Variants in ANKRD31 observed in about 807,000 individuals in gnomAD.
The protein encoded by ANKRD31 is ankyrin repeat domain 31.
A neutral mutation model predicts 186.0 loss-of-function variants in ANKRD31; 147 were observed. The ratio of observed to expected loss-of-function variants is 0.79; its 90% CI spans 0.69 to 0.91. The LOEUF (loss-of-function observed/expected upper bound fraction) is 0.91, where lower values mean the gene tolerates loss of function less well. Ranked by LOEUF, ANKRD31 falls within the 40% of genes least tolerant of loss-of-function variation. The pLI, the probability that ANKRD31 is intolerant of heterozygous loss-of-function variation, is 0.00. For synonymous variants in ANKRD31, 673 were observed against 736.4 expected, an observed-to-expected ratio of 0.91 and a Z score of 1.39; for missense variants, 1,986 against 2,148.8, an observed-to-expected ratio of 0.92 and a Z score of 1.50.
At chr5:75,094,499 T>C (rs959476311) in intron 22 of ANKRD31, among the ~76,000 whole-genome samples, 24 of 151,996 alleles carry the variant, frequency 1.6e-4, no homozygotes, top group African/African-American at 2.4e-5. Context: ...GTATGTTGAG[T>C]CCTAGAGCAG....
chr5:75,198,844 C>T (rs989765182), intron 6 of ANKRD31, among the ~76,000 whole-genome samples: 4 of 152,164 alleles, frequency 2.6e-5, no homozygotes, highest in East Asian at 1.9e-4. Context: ...AAACAGCTAT[C>T]GCTGCCCCTA....
chr5:75,115,165 C>T (rs1333225203), intron 19 of ANKRD31, among the ~76,000 whole-genome samples: 1 of 150,312 alleles, frequency 6.7e-6, no homozygotes, highest in Non-Finnish European at 1.5e-5. Context: ...GGAAAGGATT[C>T]CCTATTTAAT....
rs567553089 is a variant in ANKRD31, at chr5:75,195,905, C to T, written c.743G>A (p.Arg248His). 41 of 1,536,110 alleles carry T rather than the reference C, an allele frequency of 2.7e-5. No individual in the cohort carries two copies. In the South Asian group the frequency reaches 3.3e-4, roughly 13 times the overall value. Reference sequence around the variant, plus strand: ...ACTCAATGGGTTCATCAATTCTTTACGATCAAAATCACTTACTAATTCAAA... The same window carrying T: ...ACTCAATGGGTTCATCAATTCTTTATGATCAAAATCACTTACTAATTCAAA... ...RLFELVSDFD[R>H]KELMNPLSDS... The change falls in exon 7 of 26, where the codon CGT becomes CAT. Residue 248 changes from arginine (R) to histidine (H), a missense_variant. Coordinates refer to ENST00000506364, the MANE Select transcript of ANKRD31 (RefSeq NM_001372053.1).
intron 12 of ANKRD31, among the ~76,000 whole-genome samples, chr5:75,148,975 T>C (rs975337686): frequency 6.6e-6 from 1 of 151,918 alleles, no homozygotes; most frequent in Non-Finnish European, 1.5e-5. Flanking sequence ...GCTACTTTTA[T>C]AAGGTGAAAA....
intron 11 of ANKRD31, among the ~76,000 whole-genome samples, chr5:75,168,174 T>C (rs1225513123): frequency 6.6e-6 from 1 of 152,210 alleles, no homozygotes. Context: ...ATATGCCCTG[T>C]CTATTCCCAT....
intron 22 of ANKRD31, among the ~76,000 whole-genome samples, chr5:75,103,949 C>T (rs1173447023): frequency 6.6e-6 from 1 of 152,064 alleles, no homozygotes; most frequent in Non-Finnish European, 1.5e-5. Context: ...AACCACCATG[C>T]CACTCATTTA....
chr5:75,188,636 A>G lies in ANKRD31; in HGVS notation c.1421T>C (p.Val474Ala). 6.5e-7 allele frequency: 1 copy of G among 1,527,364 alleles called. No homozygotes were observed. The highest frequency in any genetic ancestry group is 8.7e-7 in the Non-Finnish European group (1 of 1,143,958). The allele number at this position is 1,527,364 out of a possible 1,614,324, so 94.6% of individuals were successfully genotyped here. Residue 474 changes from valine (V) to alanine (A), a missense_variant, in exon 10 of 26, where the codon GTG becomes GCG. Transcript: ENST00000506364. ...QFSGKKEKMK[V>A]NKISLHSINR... ...AATGCTATGAAGAGATATTTTGTTC[A>G]CCTTCATTTTTTCTGAAATGAGGGA...
At chr5:75,082,934 T>C (rs1008935870) in intron 24 of ANKRD31, among the ~76,000 whole-genome samples, 12 of 152,228 alleles carry the variant, frequency 7.9e-5, no homozygotes, top group Non-Finnish European at 1.5e-4. Flanking sequence ...ATTCAGTTGC[T>C]ATGGAAAACA....
intron 2 of ANKRD31, among the ~76,000 whole-genome samples, chr5:75,226,517 T>C (rs1262122002): frequency 6.6e-6 from 1 of 152,116 alleles, no homozygotes; most frequent in East Asian, 1.9e-4. Context: ...ACTATCCATG[T>C]GACAAGGAAT....
intron 25 of ANKRD31, among the ~76,000 whole-genome samples, chr5:75,071,142 A>G (rs531510618): frequency 6.6e-5 from 10 of 152,228 alleles, no homozygotes; most frequent in African/African-American, 2.2e-4. Flanking sequence ...AACAGCTCTG[A>G]AGTATCTATA....
chr5:75,212,523 C>T (rs1245861925), intron 3 of ANKRD31, among the ~76,000 whole-genome samples: 3 of 152,028 alleles, frequency 2.0e-5, no homozygotes, highest in African/African-American at 7.2e-5. Flanking sequence ...TTCCAACTAC[C>T]TAGGAGGCTG....
rs377715316 is a variant in ANKRD31 at position 75,176,090 on chromosome 5, C to T, written c.1565-6969G>A. On this transcript the variant is annotated intron_variant, in intron 10 of 25. Coordinates refer to ENST00000506364, the MANE Select transcript of ANKRD31 (RefSeq NM_001372053.1). ...AACAGCACACCAGGAGATTATATCCCGCACATGGCTCAGAGGGTCCTATGC... is the reference window on the plus strand; with the variant it reads ...AACAGCACACCAGGAGATTATATCCTGCACATGGCTCAGAGGGTCCTATGC... Among the ~76,000 whole-genome samples, 135 of 152,306 alleles carry T rather than the reference C, an allele frequency of 8.9e-4. 1 individual carries two copies. The highest frequency in any genetic ancestry group is 2.7e-3 in the South Asian group (13 of 4,822).
At chr5:75,187,291 T>A (rs891611504) in intron 10 of ANKRD31, among the ~76,000 whole-genome samples, 7 of 151,656 alleles carry the variant, frequency 4.6e-5, no homozygotes, top group Non-Finnish European at 1.0e-4. Context: ...AGATGCAAAG[T>A]AAGAAGGAAA....
At chr5:75,236,519 C>A in intron 1 of ANKRD31, 64 bp downstream of exon 1, 1 of 1,412,752 alleles carries the variant, frequency 7.1e-7, no homozygotes. Context: ...CTCTGACCCC[C>A]TCAGAGGGCA....
intron 4 of ANKRD31, among the ~76,000 whole-genome samples, chr5:75,208,539 C>T (rs1756401559): frequency 6.6e-6 from 1 of 151,958 alleles, no homozygotes; most frequent in African/African-American, 2.4e-5. Context: ...TCTTAAAATC[C>T]CCTCCCTAGG....
At chr5:75,082,376 T>C (rs1162405044) in intron 24 of ANKRD31, among the ~76,000 whole-genome samples, 2 of 152,160 alleles carry the variant, frequency 1.3e-5, no homozygotes, top group Non-Finnish European at 2.9e-5. Context: ...AGTATCATCA[T>C]TTTTTGTTTT....
At position 75,123,440 on chromosome 5, in the gene ANKRD31, T is replaced by C. The variant is rs116724083; in HGVS notation, c.3877-5143A>G. Reference sequence around the variant, plus strand: ...TTTTCACAGAATGAGAAAAAAACCATCCTAAAATTCATATGGAACCAAAAA... The same window carrying C: ...TTTTCACAGAATGAGAAAAAAACCACCCTAAAATTCATATGGAACCAAAAA... On this transcript the variant is annotated intron_variant, in intron 17 of 25. Transcript: ENST00000506364. 6.0e-3 allele frequency among the ~76,000 whole-genome samples: 916 copies of C among 152,026 alleles called. 9 individuals are homozygous for C. The highest frequency in any genetic ancestry group is 0.02 in the African/African-American group (849 of 41,494).
intron 11 of ANKRD31, among the ~76,000 whole-genome samples, chr5:75,163,399 G>A (rs548923345): frequency 6.6e-6 from 1 of 152,330 alleles, no homozygotes; most frequent in South Asian, 2.1e-4. Context: ...TGTCTGATCT[G>A]AACGTGTGCT....
chr5:75,085,334 G>A (rs931687454), intron 23 of ANKRD31, among the ~76,000 whole-genome samples: 1 of 151,862 alleles, frequency 6.6e-6, no homozygotes, highest in Non-Finnish European at 1.5e-5. Context: ...GACGATACTG[G>A]ATAAAAGACT....
Sources: allele counts gnomAD v4.1 joint callset (sites outside exome capture counted in the v4.1 genomes callset), GRCh38; gene constraint gnomAD v4.1.1; transcripts MANE v1.5; gene names NCBI Gene and HGNC (gene_info 2026-07-23, HGNC 2026-07-21).